The following RGS7 variants were observed in gnomAD, a reference collection of about 807,000 sequenced individuals.
The protein encoded by RGS7 is regulator of G-protein signaling 7.
Under a neutral mutation model 81.1 loss-of-function variants are expected in RGS7, and 27 were observed. The ratio of observed to expected loss-of-function variants is 0.33; its 90% CI spans 0.25 to 0.46. The LOEUF (loss-of-function observed/expected upper bound fraction) is 0.46, where lower values mean the gene tolerates loss of function less well. RGS7 is among the 20% of genes least tolerant of loss of function. The probability of loss-of-function intolerance (pLI) is 1.00; values close to 1 mark genes in which losing one functional copy is unlikely to be tolerated. For missense variants in RGS7, 396 were observed against 607.4 expected (o/e 0.65, Z 3.66); for synonymous variants, 208 against 207.7 (o/e 1.00, Z -0.01).
chr1:240,887,741 A>G (rs929675622), intron 6 of RGS7, among the ~76,000 whole-genome samples: 2 of 152,218 alleles, frequency 1.3e-5, no homozygotes, highest in Non-Finnish European at 2.9e-5. Flanking sequence ...ATATATTTCA[A>G]TTTAAAACAT....
chr1:240,814,479 G>A (rs1324361846), intron 12 of RGS7, among the ~76,000 whole-genome samples: 4 of 152,142 alleles, frequency 2.6e-5, no homozygotes, highest in Admixed American at 2.6e-4. Context: ...ATTCTTAGTG[G>A]AACAAGGACT....
intron 15 of RGS7, among the ~76,000 whole-genome samples, chr1:240,805,737 T>C (rs1688727916): frequency 6.6e-6 from 1 of 152,170 alleles, no homozygotes; most frequent in African/African-American, 2.4e-5. Context: ...TTCAGGAATG[T>C]CAGAGTCTTA....
chr1:240,834,002 G>T (rs565129160), intron 9 of RGS7, among the ~76,000 whole-genome samples: 80 of 152,268 alleles, frequency 5.3e-4, no homozygotes, highest in African/African-American at 1.8e-3. Context: ...GCCCAGGCTG[G>T]TCTCCAACTC....
intron 2 of RGS7, among the ~76,000 whole-genome samples, chr1:241,267,485 A>G (rs1165741385): frequency 6.6e-6 from 1 of 151,674 alleles, no homozygotes; most frequent in Non-Finnish European, 1.5e-5. Flanking sequence ...CTCTCTTTCA[A>G]TTTTTGGGGC....
At chr1:241,321,210 T>C (rs2081192073) in intron 2 of RGS7, among the ~76,000 whole-genome samples, 1 of 152,194 alleles carries the variant, frequency 6.6e-6, no homozygotes, top group South Asian at 2.1e-4. Context: ...CAGAGAAGTG[T>C]TCTTTAGGAT....
At chr1:240,803,595 G>A (rs1688343271) in intron 15 of RGS7, among the ~76,000 whole-genome samples, 1 of 151,718 alleles carries the variant, frequency 6.6e-6, no homozygotes, top group African/African-American at 2.4e-5. Flanking sequence ...GACAGATTAG[G>A]TAAATAGTTG....
intron 2 of RGS7, among the ~76,000 whole-genome samples, chr1:241,210,376 C>T (rs1352436039): frequency 6.6e-6 from 1 of 152,108 alleles, no homozygotes; most frequent in South Asian, 2.1e-4. Flanking sequence ...TCTCAAACTC[C>T]GGACCTCGTG....
Position 241,009,087 on chromosome 1 carries a change from T to C in RGS7, c.176-25958A>G, listed in dbSNP as rs182462433. Among the ~76,000 whole-genome samples, 207 of 152,294 alleles carry C rather than the reference T, an allele frequency of 1.4e-3. 1 individual carries two copies. Among genetic ancestry groups the C allele is most frequent in the African/African-American group, 4.8e-3 (198 of 41,564 alleles). On this transcript the variant is annotated intron_variant, in intron 3 of 18. Transcript: ENST00000440928. ...ATTAAAGGGCACCAGAGAAGACCCC[T>C]TGCCTCTTCATTGTTGGATCTTCAT... is the stretch of plus-strand genomic sequence containing the variant.
At chr1:241,092,695 T>A (rs1326802837) in intron 3 of RGS7, among the ~76,000 whole-genome samples, 1 of 152,118 alleles carries the variant, frequency 6.6e-6, no homozygotes, top group African/African-American at 2.4e-5. Flanking sequence ...AAGATGTATA[T>A]CCCCACTTGT....
At position 241,256,962 on chromosome 1, in the gene RGS7, C is replaced by T. The variant is rs12739609; in HGVS notation, c.78+98737G>A. Among the ~76,000 whole-genome samples, 58 of 139,568 alleles carry T rather than the reference C, an allele frequency of 4.2e-4. 1 individual carries two copies. Among genetic ancestry groups the T allele is most frequent in the East Asian group, 3.7e-3 (17 of 4,570 alleles). 91.6% of individuals were successfully genotyped at this position (139,568 alleles called of 152,430 possible). On this transcript the variant is annotated intron_variant, in intron 2 of 18. Coordinates refer to ENST00000440928, the MANE Select transcript of RGS7 (RefSeq NM_001364886.1). The stretch of plus-strand genomic sequence containing the variant: ...ACACACACACACACACACACACACA[C>T]GTGTGTGTATCTATATATACATATT...
At chr1:241,335,793 T>C (rs931735036) in intron 2 of RGS7, among the ~76,000 whole-genome samples, 2 of 152,138 alleles carry the variant, frequency 1.3e-5, no homozygotes, top group African/African-American at 4.8e-5. Flanking sequence ...CATTTGCCAC[T>C]TCCCATGATA....
intron 4 of RGS7, among the ~76,000 whole-genome samples, chr1:240,957,990 T>G (rs2796745): frequency 1 from 152,083 of 152,270 alleles, 75,948 homozygotes; most frequent in Middle Eastern, 1. Context: ...CTTGAAGAAT[T>G]AGTAGGAGTC....
intron 18 of RGS7, among the ~76,000 whole-genome samples, chr1:240,780,459 A>AAG (rs1433859436): frequency 1.3e-5 from 2 of 151,280 alleles, no homozygotes; most frequent in Admixed American, 6.6e-5. Flanking sequence ...AAAAAAAAAA[A>AAG]AAAAAAGTGC....
intron 7 of RGS7, 43 bp downstream of exon 7, chr1:240,870,012 T>G (rs371313694): frequency 6.6e-7 from 1 of 1,508,806 alleles, no homozygotes; most frequent in East Asian, 2.3e-5. Flanking sequence ...CTTACTGCTG[T>G]GCATTCTATG....
chr1:240,814,772 T>C lies in RGS7; in HGVS notation c.789A>G (p.Lys263=), dbSNP rs1309824255. Residue 263 remains lysine, a synonymous_variant, in exon 12 of 19, where the codon AAA becomes AAG. Coordinates refer to ENST00000440928, the MANE Select transcript of RGS7 (RefSeq NM_001364886.1). ...PTEDELQQQI[K]YWQIQLDRHR... is the part of the protein sequence containing the mutation. ...GTCTATCTAACTGTATTTGCCAATA[T>C]TTTATCTGAAAAGAGGGTTAGAGAA... 3 of 1,588,466 alleles carry C rather than the reference T, an allele frequency of 1.9e-6. No homozygotes were observed. Among genetic ancestry groups the C allele is most frequent in the Non-Finnish European group, 2.6e-6 (3 of 1,157,128 alleles).
intron 14 of RGS7, 113 bp downstream of exon 14, chr1:240,811,805 A>C: frequency 2.0e-6 from 2 of 999,650 alleles, no homozygotes. Context: ...CAATGGGTTC[A>C]TGACATCATT....
In RGS7 at chr1:240,868,117, G is replaced by GAAAGAAA. The variant is rs143103795; in HGVS notation, c.609+469_609+470insTTTCTTT. Among the ~76,000 whole-genome samples the GAAAGAAA allele has an allele frequency of 8.2e-6, 1 of 122,444 alleles. No homozygotes were observed. Among genetic ancestry groups the GAAAGAAA allele is most frequent in the Non-Finnish European group, 1.6e-5 (1 of 62,724 alleles). The allele number at this position is 122,444 out of a possible 152,430, so 80.3% of individuals were successfully genotyped here. ...GAAAAGAAAAAGAAAGAAAAGAAAA[G>GAAAGAAA]GAAAGAAAGAAAGAAAGAAAGAAAG... On this transcript the variant is annotated intron_variant, in intron 9 of 18. Transcript: ENST00000440928. The surrounding 1 kb of genome is among the most constrained non-coding windows in gnomAD (Gnocchi z 5.1).
intron 3 of RGS7, among the ~76,000 whole-genome samples, chr1:241,068,238 G>GTGTATATATATATATATATATATA: frequency 3.1e-4 from 11 of 35,672 alleles, no homozygotes; most frequent in African/African-American, 1.0e-3. Context: ...GTGTGTGTGT[G>GTGTATATATATATATATATATATA]TATATATATA....
intron 3 of RGS7, among the ~76,000 whole-genome samples, chr1:241,062,525 A>G (rs1273951053): frequency 6.6e-6 from 1 of 152,236 alleles, no homozygotes; most frequent in East Asian, 1.9e-4. Context: ...ATAGTTTTGA[A>G]GAATTAGAGC....
Sources: gnomAD v4.1 joint callset for allele counts (sites outside exome capture counted in the v4.1 genomes callset) on GRCh38, gnomAD v4.1.1 for gene constraint, Gnocchi (gnomAD v3.1) non-coding constraint, MANE v1.5 for transcripts, NCBI Gene and HGNC (gene_info 2026-07-23, HGNC 2026-07-21) for gene names.